PTPRM: variants seen among roughly 807,000 people sequenced by gnomAD.
PTPRM encodes the protein receptor-type tyrosine-protein phosphatase mu.
A neutral mutation model predicts 186.7 loss-of-function variants in PTPRM; 47 were observed. The ratio of observed to expected loss-of-function variants is 0.25; its 90% confidence interval spans 0.20 to 0.32. PTPRM has a LOEUF of 0.32. Ranked by LOEUF, PTPRM falls within the 10% of genes least tolerant of loss-of-function variation. The pLI is 1.00. For missense variants in PTPRM, 1,494 were observed against 1,865.0 expected, an observed-to-expected ratio of 0.80 and a Z score of 3.66; for synonymous variants, 668 against 674.9, an observed-to-expected ratio of 0.99 and a Z score of 0.16.
intron 3 of PTPRM, among the ~76,000 whole-genome samples, chr18:7,890,677 A>G (rs1335842787): frequency 2.0e-5 from 3 of 152,222 alleles, no homozygotes; most frequent in Non-Finnish European, 4.4e-5. Context: ...AATTTATCCT[A>G]AAGAAGTAAT....
chr18:7,597,898 T>A (rs930725925), intron 1 of PTPRM, among the ~76,000 whole-genome samples: 1 of 152,212 alleles, frequency 6.6e-6, no homozygotes, highest in African/African-American at 2.4e-5. Context: ...TATCCAGATA[T>A]GGACAATTCA....
At chr18:8,134,286 C>G (rs913297848) in intron 13 of PTPRM, among the ~76,000 whole-genome samples, 1 of 152,150 alleles carries the variant, frequency 6.6e-6, no homozygotes, top group African/African-American at 2.4e-5. Context: ...TTTACAAATG[C>G]TTCTTGTGTC....
chr18:7,938,149 G>A (rs1213844426), intron 5 of PTPRM, among the ~76,000 whole-genome samples: 2 of 152,126 alleles, frequency 1.3e-5, no homozygotes, highest in Non-Finnish European at 2.9e-5. Flanking sequence ...ATTGGAGAGA[G>A]CTAAGATATC....
At chr18:7,682,591 C>T (rs925523400) in intron 1 of PTPRM, among the ~76,000 whole-genome samples, 1 of 152,146 alleles carries the variant, frequency 6.6e-6, no homozygotes, top group African/African-American at 2.4e-5. Flanking sequence ...ATTTAAACTG[C>T]TCTTTTTGTT....
intron 20 of PTPRM, among the ~76,000 whole-genome samples, chr18:8,302,852 G>A (rs2095174990): frequency 1.3e-5 from 2 of 152,012 alleles, no homozygotes; most frequent in African/African-American, 4.8e-5. Context: ...GGAACCAGCT[G>A]TGGAGAGGAG....
In PTPRM at chr18:8,074,195, G is replaced by T. The variant is rs570254892; in HGVS notation, c.1442-2260G>T. On this transcript the variant is annotated intron_variant, in intron 8 of 32. Coordinates refer to ENST00000580170, the MANE Select transcript of PTPRM (RefSeq NM_001105244.2). The stretch of plus-strand genomic sequence containing the variant: ...ATCCTAGGCAGGCTTTCCAATCTGT[G>T]GTAGTCTTAGCAATCATTAAAAAAC... Among the ~76,000 whole-genome samples, 5 of 152,150 alleles carry T rather than the reference G, an allele frequency of 3.3e-5. No individual in the cohort carries two copies. In the South Asian group the frequency reaches 1.0e-3, roughly 32 times the overall value.
chr18:7,757,472 C>T (rs2041553548), intron 1 of PTPRM, among the ~76,000 whole-genome samples: 1 of 152,210 alleles, frequency 6.6e-6, no homozygotes, highest in Non-Finnish European at 1.5e-5. Flanking sequence ...CTGTGTTCCA[C>T]TGTAGAAATG....
chr18:7,656,914 A>G (rs2038862791), intron 1 of PTPRM, among the ~76,000 whole-genome samples: 1 of 151,920 alleles, frequency 6.6e-6, no homozygotes, highest in Non-Finnish European at 1.5e-5. Context: ...TCTTATTTTC[A>G]TCTTCCTTCC....
At chr18:7,624,970 A>G (rs1247328839) in intron 1 of PTPRM, among the ~76,000 whole-genome samples, 2 of 152,214 alleles carry the variant, frequency 1.3e-5, no homozygotes, top group Non-Finnish European at 2.9e-5. Flanking sequence ...CTGAGTAACC[A>G]GGCACATTCC....
intron 32 of PTPRM, among the ~76,000 whole-genome samples, chr18:8,401,946 G>C (rs1043436188): frequency 1.3e-5 from 2 of 152,182 alleles, no homozygotes; most frequent in Admixed American, 6.5e-5. Context: ...GAGGAGGACC[G>C]GGCCAGGCTC....
intron 31 of PTPRM, among the ~76,000 whole-genome samples, chr18:8,391,241 T>C (rs2095810273): frequency 6.6e-6 from 1 of 152,224 alleles, no homozygotes. Flanking sequence ...AGTCTGAGGC[T>C]GAGCTCTTCT....
At chr18:7,633,501 ATCT>A (rs2038239775) in intron 1 of PTPRM, among the ~76,000 whole-genome samples, 2 of 151,906 alleles carry the variant, frequency 1.3e-5, no homozygotes, top group Admixed American at 6.6e-5. Flanking sequence ...CTTGACTTCC[ATCT>A]TCTTAGCATC....
chr18:8,084,704 A>G (rs1268944201), intron 9 of PTPRM, among the ~76,000 whole-genome samples: 2 of 152,182 alleles, frequency 1.3e-5, no homozygotes, highest in East Asian at 3.9e-4. Context: ...TCAGTTTTGC[A>G]ATTTAAAACT....
At chr18:8,116,042 A>G (rs1441802079) in intron 13 of PTPRM, among the ~76,000 whole-genome samples, 1 of 152,234 alleles carries the variant, frequency 6.6e-6, no homozygotes, top group African/African-American at 2.4e-5. Context: ...GACTTTATGT[A>G]TAGAAATAAA....
At position 8,069,902 on chromosome 18, in the gene PTPRM, C is replaced by T. The variant is rs752602978; in HGVS notation, c.1349C>T (p.Ser450Leu). The T allele has an allele frequency of 6.2e-7, 1 of 1,613,860 alleles. No individual in the cohort carries two copies. The highest frequency in any genetic ancestry group is 8.5e-7 in the Non-Finnish European group (1 of 1,179,790). The change falls in exon 8 of 33, where the codon TCA (serine) becomes TTA (leucine). Residue 450 changes from serine to leucine, a missense_variant. Physicochemically the swap from Ser to Leu is moderately radical, Grantham distance 145 (BLOSUM62 -2). Around this residue, in one of 3 missense-constraint regions of PTPRM, gnomAD observed 1,107 missense variants for 1,350.2 expected, o/e 0.82. Transcript: ENST00000580170. ...SHPQHTITNL[S>L]PYTNVSVKLI... ...CCTCAACACACGATCACTAACCTGTCACCATACACCAATGTCAGTGTGAAA... is the reference window on the plus strand; with the variant it reads ...CCTCAACACACGATCACTAACCTGTTACCATACACCAATGTCAGTGTGAAA...
At chr18:7,761,577 CT>C (rs1365941697) in intron 1 of PTPRM, among the ~76,000 whole-genome samples, 1 of 152,012 alleles carries the variant, frequency 6.6e-6, no homozygotes, top group South Asian at 2.1e-4. Flanking sequence ...CTCTGGTTTT[CT>C]TTTTTTTATC....
At chr18:7,704,377 G>A (rs924233995) in intron 1 of PTPRM, among the ~76,000 whole-genome samples, 9 of 152,050 alleles carry the variant, frequency 5.9e-5, no homozygotes, top group Non-Finnish European at 1.3e-4. Context: ...TCAGGGATTC[G>A]ACTTCTTCCT....
intron 31 of PTPRM, among the ~76,000 whole-genome samples, chr18:8,388,010 G>A (rs2095788921): frequency 1.3e-5 from 2 of 151,898 alleles, no homozygotes. Context: ...TCTGGGAGTG[G>A]GGCCCAGACA....
intron 14 of PTPRM, among the ~76,000 whole-genome samples, chr18:8,162,768 C>A (rs562530639): frequency 1.3e-5 from 2 of 152,252 alleles, no homozygotes; most frequent in South Asian, 4.1e-4. Flanking sequence ...CTCTCTCCAC[C>A]CCATACACAC....
Sources: allele counts gnomAD v4.1 joint callset (sites outside exome capture counted in the v4.1 genomes callset), GRCh38; gene constraint gnomAD v4.1.1; regional missense constraint gnomAD v4.1.1; transcripts MANE v1.5; gene names NCBI Gene and HGNC (gene_info 2026-07-23, HGNC 2026-07-21).